The following STPG4 variants were observed in gnomAD, a reference collection of about 807,000 sequenced individuals.
STPG4 encodes protein STPG4.
A neutral mutation model predicts 31.5 loss-of-function variants in STPG4; 41 were observed. The ratio of observed to expected loss-of-function variants is 1.30; its 90% confidence interval spans 1.01 to 1.69. The LOEUF (loss-of-function observed/expected upper bound fraction) is 1.69, where lower values mean the gene tolerates loss of function less well. Among genes scored for constraint, STPG4 ranks in the 40% most tolerant of loss-of-function variants. The pLI, the probability that STPG4 is intolerant of heterozygous loss-of-function variation, is 0.00. For missense variants in STPG4, 375 were observed against 293.4 expected, an observed-to-expected ratio of 1.28 and a Z score of -2.03; for synonymous variants, 141 against 103.0, an observed-to-expected ratio of 1.37 and a Z score of -2.24.
intron 5 of STPG4, among the ~76,000 whole-genome samples, chr2:47,111,419 T>A (rs1686034408): frequency 6.6e-6 from 1 of 152,206 alleles, no homozygotes. Flanking sequence ...TCAAGAGACT[T>A]ATTTAGGTCA....
intron 5 of STPG4, among the ~76,000 whole-genome samples, chr2:47,109,487 G>A (rs1685993972): frequency 6.6e-6 from 1 of 151,046 alleles, no homozygotes; most frequent in Admixed American, 6.6e-5. Context: ...AACCTGGGAA[G>A]CGGAGATTGC....
chr2:47,124,771 T>C (rs113521882), intron 5 of STPG4, among the ~76,000 whole-genome samples: 3,979 of 152,294 alleles, frequency 0.026, 64 homozygotes, highest in African/African-American at 0.047. Flanking sequence ...TTTCTTTTCT[T>C]TTGGGTATAT....
intron 5 of STPG4, among the ~76,000 whole-genome samples, chr2:47,101,305 T>C (rs111664419): frequency 0.035 from 5,287 of 151,852 alleles, 160 homozygotes; most frequent in South Asian, 0.069. Context: ...GCTTTTCCTG[T>C]ACTTCTGGGC....
chr2:47,118,244 C>T (rs1222481204), intron 5 of STPG4, among the ~76,000 whole-genome samples: 2 of 152,144 alleles, frequency 1.3e-5, no homozygotes, highest in Non-Finnish European at 2.9e-5. Flanking sequence ...CCTATCAGAT[C>T]AGCGGCAGCA....
rs545375636 is a variant in STPG4, at chr2:47,145,376, G to C, written c.399+5882C>G. On this transcript the variant is annotated intron_variant, in intron 3 of 6. Coordinates refer to ENST00000445927, the MANE Select transcript of STPG4 (RefSeq NM_001163561.2). ...GGACTGCAGAGAGTTGCCTAAGCAA[G>C]AACTGAGAGGGAGAAGAAACCCGTC... 2.6e-5 allele frequency among the ~76,000 whole-genome samples: 4 copies of C among 152,342 alleles called. No individual in the cohort carries two copies. In the East Asian group the frequency reaches 7.7e-4, roughly 29 times the overall value.
At chr2:47,126,848 G>A (rs946432806) in intron 5 of STPG4, among the ~76,000 whole-genome samples, 6 of 152,014 alleles carry the variant, frequency 3.9e-5, no homozygotes, top group African/African-American at 1.2e-4. Flanking sequence ...CTCACTCCTG[G>A]TCTATAAGGT....
intron 3 of STPG4, among the ~76,000 whole-genome samples, chr2:47,133,905 T>C (rs775746609): frequency 6.6e-6 from 1 of 152,058 alleles, no homozygotes; most frequent in East Asian, 1.9e-4. Flanking sequence ...AGAGCTTGAA[T>C]GTGGCAGGAT....
At chr2:47,134,730 A>C (rs1402926091) in intron 3 of STPG4, among the ~76,000 whole-genome samples, 6 of 152,224 alleles carry the variant, frequency 3.9e-5, no homozygotes, top group African/African-American at 1.2e-4. Context: ...TATGGAGCAC[A>C]ACTGCTGGAT....
chr2:47,104,799 G>A lies in STPG4; in HGVS notation c.520-14425C>T, dbSNP rs1235738142. Among the ~76,000 whole-genome samples, 5 of 152,090 alleles carry A rather than the reference G, an allele frequency of 3.3e-5. No homozygotes were observed. In the East Asian group the frequency reaches 9.6e-4, roughly 29 times the overall value. On this transcript the variant is annotated intron_variant, in intron 5 of 6. Transcript: ENST00000445927. ...TCTTGAACTTTCTAGCTAATCAAGG[G>A]TACAAGGTGTCTAGGTCGAAGGCCC...
At chr2:47,113,448 A>G (rs1558677141) in intron 5 of STPG4, among the ~76,000 whole-genome samples, 1 of 152,210 alleles carries the variant, frequency 6.6e-6, no homozygotes, top group Non-Finnish European at 1.5e-5. Context: ...GCCACAAGTA[A>G]CTGGTTAATA....
At chr2:47,126,502 T>C (rs1474743082) in intron 5 of STPG4, among the ~76,000 whole-genome samples, 1 of 151,918 alleles carries the variant, frequency 6.6e-6, no homozygotes, top group Non-Finnish European at 1.5e-5. Flanking sequence ...AATTTTTAAA[T>C]TTTTTGTAGA....
At chr2:47,133,068 G>C (rs2103784120) in intron 3 of STPG4, among the ~76,000 whole-genome samples, 1 of 152,196 alleles carries the variant, frequency 6.6e-6, no homozygotes, top group Admixed American at 6.5e-5. Flanking sequence ...TTATGTAGGA[G>C]ACTGTTTTCC....
At chr2:47,098,799 G>C (rs1191723581) in intron 5 of STPG4, among the ~76,000 whole-genome samples, 2 of 150,196 alleles carry the variant, frequency 1.3e-5, no homozygotes, top group South Asian at 2.1e-4. Context: ...ACAGAATCCT[G>C]TGTGGAGGTG....
At chr2:47,089,408 G>A (rs931421654) in intron 6 of STPG4, among the ~76,000 whole-genome samples, 2 of 152,176 alleles carry the variant, frequency 1.3e-5, no homozygotes, top group Non-Finnish European at 2.9e-5. Flanking sequence ...GGCTAAGGAG[G>A]GCTACGGGAG....
chr2:47,150,212 G>A (rs910468206), intron 3 of STPG4, among the ~76,000 whole-genome samples: 2 of 152,216 alleles, frequency 1.3e-5, no homozygotes, highest in African/African-American at 4.8e-5. Context: ...TATTAGTGAA[G>A]GTCCAGTTAA....
At chr2:47,126,446 C>T (rs1686367156) in intron 5 of STPG4, among the ~76,000 whole-genome samples, 1 of 152,154 alleles carries the variant, frequency 6.6e-6, no homozygotes, top group South Asian at 2.1e-4. Flanking sequence ...CCACCTTAGC[C>T]TCGCTGAGTA....
intron 5 of STPG4, chr2:47,120,927 AAG>A (rs1231520796): frequency 6.6e-6 from 1 of 152,280 alleles, no homozygotes; most frequent in East Asian, 1.9e-4. Context: ...CACATACACA[AAG>A]AGCCAAGAGA....
intron 5 of STPG4, among the ~76,000 whole-genome samples, chr2:47,117,175 G>A (rs1048742849): frequency 1.3e-5 from 2 of 152,064 alleles, no homozygotes; most frequent in African/African-American, 2.4e-5. Context: ...AAGTTTTGGA[G>A]GTGGCTGTTG....
intron 5 of STPG4, among the ~76,000 whole-genome samples, chr2:47,101,057 A>C (rs115958869): frequency 6.6e-6 from 1 of 151,772 alleles, no homozygotes; most frequent in Non-Finnish European, 1.5e-5. Context: ...ATCGCCGAGC[A>C]ATGAGACCAT....
Sources: allele counts gnomAD v4.1 joint callset (sites outside exome capture counted in the v4.1 genomes callset), GRCh38; gene constraint gnomAD v4.1.1; transcripts MANE v1.5; gene names NCBI Gene and HGNC (gene_info 2026-07-23, HGNC 2026-07-21).